The following CECR2 variants were observed in gnomAD, a reference collection of about 807,000 sequenced individuals.
The protein encoded by CECR2 is CECR2 histone acetyl-lysine reader, also known as chromatin remodeling regulator CECR2.
In CECR2, 30 loss-of-function variants were observed where a neutral mutation model predicts 154.5. The observed-to-expected ratio is 0.19, with a 90% confidence interval of 0.15 to 0.26. The LOEUF is 0.26. Ranked by LOEUF, CECR2 falls within the 10% of genes least tolerant of loss-of-function variation. The pLI is 1.00. For missense variants in CECR2, 1,743 were observed against 1,829.3 expected, an observed-to-expected ratio of 0.95 and a Z score of 0.86; for synonymous variants, 725 against 683.7, an observed-to-expected ratio of 1.06 and a Z score of -0.94.
At chr22:17,379,578 GAA>G (rs1325256683) in intron 1 of CECR2, among the ~76,000 whole-genome samples, 2 of 142,870 alleles carry the variant, frequency 1.4e-5, no homozygotes, top group Non-Finnish European at 3.0e-5. Flanking sequence ...GACCTACGTT[GAA>G]GGTGTGTGTG....
At chr22:17,525,921 A>C (rs763403652) in intron 9 of CECR2, among the ~76,000 whole-genome samples, 15 of 152,178 alleles carry the variant, frequency 9.9e-5, no homozygotes, top group Non-Finnish European at 2.1e-4. Flanking sequence ...AGAAGTCACA[A>C]ATAAAATTAA....
At chr22:17,394,314 C>T (rs2053776006) in intron 1 of CECR2, among the ~76,000 whole-genome samples, 1 of 151,292 alleles carries the variant, frequency 6.6e-6, no homozygotes, top group Non-Finnish European at 1.5e-5. Flanking sequence ...ACAGTCTTCC[C>T]ACCTCAGCCT....
At chr22:17,529,699 CAAA>C (rs34980904) in intron 9 of CECR2, among the ~76,000 whole-genome samples, 4 of 100,480 alleles carry the variant, frequency 4.0e-5, no homozygotes, top group Admixed American at 1.1e-4. Context: ...GATTCCGTCT[CAAA>C]AAAAAAAAAA....
intron 1 of CECR2, chr22:17,418,988 G>T: frequency 5.3e-6 from 1 of 190,014 alleles, no homozygotes; most frequent in South Asian, 8.1e-5. Flanking sequence ...CGCCTCAGGG[G>T]ACACTGCTCG....
intron 16 of CECR2, among the ~76,000 whole-genome samples, chr22:17,547,725 G>A (rs1040070137): frequency 6.6e-6 from 1 of 152,144 alleles, no homozygotes; most frequent in Admixed American, 6.5e-5. Flanking sequence ...CTGAGCGCCC[G>A]TCATGCCCTG....
At position 17,395,494 on chromosome 22, in the gene CECR2, G is replaced by A. The variant is rs569218178; in HGVS notation, c.126+25585G>A. 1.4e-4 allele frequency among the ~76,000 whole-genome samples: 21 copies of A among 151,948 alleles called. No individual in the cohort carries two copies. The South Asian group carries it at 3.1e-3, about 23-fold the overall frequency. On this transcript the variant is annotated intron_variant, in intron 1 of 18. Coordinates refer to ENST00000262608, the MANE Select transcript of CECR2 (RefSeq NM_001290047.2). ...CAAGTAGCCGCGATTACAGGCACAC[G>A]CCACCATGCTGGGCTAATTTTTGTA... is the stretch of plus-strand genomic sequence containing the variant.
chr22:17,452,438 A>G (rs557811978), intron 1 of CECR2, among the ~76,000 whole-genome samples: 1 of 152,310 alleles, frequency 6.6e-6, no homozygotes, highest in East Asian at 1.9e-4. Flanking sequence ...TGGAGAGAAT[A>G]GACCATCAAG....
At chr22:17,529,544 CA>C (rs1295153553) in intron 9 of CECR2, among the ~76,000 whole-genome samples, 4 of 151,836 alleles carry the variant, frequency 2.6e-5, no homozygotes, top group African/African-American at 9.7e-5. Context: ...ACTAAAAATA[CA>C]AAAAATTAGC....
At chr22:17,532,646 C>A (rs2056373845) in intron 9 of CECR2, among the ~76,000 whole-genome samples, 2 of 147,310 alleles carry the variant, frequency 1.4e-5, no homozygotes, top group Non-Finnish European at 3.0e-5. Flanking sequence ...AGAAAATCAC[C>A]CAGGAAACTA....
rs1246509787 is a variant in CECR2, at chr22:17,539,011, A to G, written c.1387A>G (p.Ser463Gly). The G allele has an allele frequency of 1.1e-5, 17 of 1,613,638 alleles. No homozygotes were observed. The highest frequency in any genetic ancestry group is 1.4e-5 in the Non-Finnish European group (16 of 1,179,782). The change falls in exon 13 of 19, where the codon AGC (serine) becomes GGC (glycine). Residue 463 changes from serine (S) to glycine (G), a missense_variant. Physicochemically the swap from Ser to Gly is moderately conservative, Grantham distance 56. Coordinates refer to ENST00000262608, the MANE Select transcript of CECR2 (RefSeq NM_001290047.2). ...QIIKAPMDISSMEKKLNGGLY... is the reference protein window; with the variant it reads ...QIIKAPMDISGMEKKLNGGLY... The stretch of plus-strand genomic sequence containing the variant: ...CGTTTAGGCCCCCATGGATATTTCC[A>G]GCATGGAGAAGAAACTGAATGGAGG...
At chr22:17,427,265 A>T (rs2054345810) in intron 1 of CECR2, among the ~76,000 whole-genome samples, 1 of 152,096 alleles carries the variant, frequency 6.6e-6, no homozygotes, top group Non-Finnish European at 1.5e-5. Flanking sequence ...TCTACCATTG[A>T]TAGACATTTG....
At chr22:17,492,401 G>T (rs1042597829) in intron 2 of CECR2, among the ~76,000 whole-genome samples, 2 of 152,160 alleles carry the variant, frequency 1.3e-5, no homozygotes, top group Non-Finnish European at 2.9e-5. Context: ...GTTCCAGCCG[G>T]CAGAGGCTTG....
chr22:17,444,687 C>T (rs1478751576), intron 1 of CECR2, among the ~76,000 whole-genome samples: 1 of 152,034 alleles, frequency 6.6e-6, no homozygotes, highest in East Asian at 1.9e-4. Context: ...TGAGAAATTG[C>T]AATAGCGTCC....
At chr22:17,503,005 C>T in intron 5 of CECR2, 77 bp from the exon 6 acceptor site, 1 of 1,300,508 alleles carries the variant, frequency 7.7e-7, no homozygotes, top group Non-Finnish European at 1.1e-6. Flanking sequence ...TTAATGGGTT[C>T]TACCATCCTG....
chr22:17,392,374 G>A (rs576318033), intron 1 of CECR2, among the ~76,000 whole-genome samples: 206 of 152,280 alleles, frequency 1.4e-3, no homozygotes, highest in Non-Finnish European at 2.4e-3. Context: ...TGTAATCCCA[G>A]CTACTCAGGA....
chr22:17,535,210 C>G (rs1327132442), intron 9 of CECR2, among the ~76,000 whole-genome samples: 1 of 151,834 alleles, frequency 6.6e-6, no homozygotes, highest in Non-Finnish European at 1.5e-5. Context: ...CCCAACTACT[C>G]AGGAGGCTGA....
Position 17,519,315 on chromosome 22 carries a change from G to A in CECR2, c.955-4803G>A, listed in dbSNP as rs536528198. 2.6e-3 allele frequency among the ~76,000 whole-genome samples: 383 copies of A among 146,428 alleles called. 3 individuals carry two copies. Among genetic ancestry groups the A allele is most frequent in the Middle Eastern group, 3.5e-3 (1 of 282 alleles). ...GTGTTTTTTTTTTTTTTTTTGAGAC[G>A]GAGTCTCATTCTGTCACCCAGGCTG... On this transcript the variant is annotated intron_variant, in intron 8 of 18. Coordinates refer to ENST00000262608, the MANE Select transcript of CECR2 (RefSeq NM_001290047.2).
intron 1 of CECR2, among the ~76,000 whole-genome samples, chr22:17,429,673 G>A (rs1426723661): frequency 2.0e-5 from 3 of 152,166 alleles, no homozygotes; most frequent in South Asian, 2.1e-4. Flanking sequence ...ACTATACAGC[G>A]TTGGATGAGT....
intron 2 of CECR2, among the ~76,000 whole-genome samples, chr22:17,484,077 A>G (rs2055377407): frequency 6.6e-6 from 1 of 152,216 alleles, no homozygotes. Context: ...CTAGGTGTGT[A>G]GTAGGCTCTA....
Sources: allele counts gnomAD v4.1 joint callset (sites outside exome capture counted in the v4.1 genomes callset), GRCh38; gene constraint gnomAD v4.1.1; transcripts MANE v1.5; gene names NCBI Gene and HGNC (gene_info 2026-07-23, HGNC 2026-07-21).